The following MEIS1 variants were observed in gnomAD, a reference collection of about 807,000 sequenced individuals.
The protein encoded by MEIS1 is Meis homeobox 1, also known as homeobox protein Meis1.
MEIS1 carries 5 observed loss-of-function variants against 50.8 expected under a neutral mutation model. The observed-to-expected ratio is 0.10, with a 90% CI of 0.05 to 0.21. The LOEUF (loss-of-function observed/expected upper bound fraction) is 0.21. Ranked by LOEUF, MEIS1 falls within the 10% of genes least tolerant of loss-of-function variation. The pLI is 1.00. For synonymous variants in MEIS1, 176 were observed against 179.3 expected (o/e 0.98, Z 0.15); for missense variants, 318 against 517.3 (o/e 0.61, Z 3.74).
chr2:66,540,446 A>C (rs1159529527), intron 8 of MEIS1, among the ~76,000 whole-genome samples: 1 of 152,044 alleles, frequency 6.6e-6, no homozygotes, highest in African/African-American at 2.4e-5. Context: ...AGTAGATGGG[A>C]TTACAGGCGC....
chr2:66,549,970 A>G (rs1674880430), intron 9 of MEIS1, among the ~76,000 whole-genome samples: 2 of 152,198 alleles, frequency 1.3e-5, no homozygotes, highest in Non-Finnish European at 2.9e-5. Context: ...TTCTATGCAC[A>G]GTCTCTGCCG....
At chr2:66,547,625 C>T (rs1674822185) in intron 8 of MEIS1, among the ~76,000 whole-genome samples, 1 of 152,116 alleles carries the variant, frequency 6.6e-6, no homozygotes, top group African/African-American at 2.4e-5. Flanking sequence ...TAACAAATGG[C>T]TTGTCCTTAT....
intron 5 of MEIS1, among the ~76,000 whole-genome samples, chr2:66,442,270 T>TAAAAA (rs11292294): frequency 8.7e-6 from 1 of 114,566 alleles, no homozygotes; most frequent in Non-Finnish European, 1.8e-5. Context: ...CTCCTTTTTG[T>TAAAAA]AAAAAAAAAA....
chr2:66,450,967 T>C (rs1672264385), intron 6 of MEIS1, among the ~76,000 whole-genome samples: 1 of 152,126 alleles, frequency 6.6e-6, no homozygotes, highest in Admixed American at 6.5e-5. Flanking sequence ...GATTTGAACT[T>C]GAGCTAGTTT....
intron 6 of MEIS1, among the ~76,000 whole-genome samples, chr2:66,453,171 T>C (rs914637435): frequency 2.0e-5 from 3 of 151,976 alleles, no homozygotes; most frequent in African/African-American, 4.8e-5. Flanking sequence ...TTAATATTTA[T>C]TGAGGGCATG....
At chr2:66,500,015 T>C (rs1673510244) in intron 7 of MEIS1, among the ~76,000 whole-genome samples, 1 of 152,234 alleles carries the variant, frequency 6.6e-6, no homozygotes, top group South Asian at 2.1e-4. Context: ...TTTTAGGTTC[T>C]TGTCTTTTGC....
At chr2:66,534,036 T>C (rs1674458823) in intron 8 of MEIS1, among the ~76,000 whole-genome samples, 1 of 152,198 alleles carries the variant, frequency 6.6e-6, no homozygotes, top group African/African-American at 2.4e-5. Context: ...TGTTTACTAG[T>C]CTCTAAATAT....
intron 1 of MEIS1, chr2:66,437,046 CTT>C: frequency 1.3e-6 from 1 of 783,288 alleles, no homozygotes; most frequent in Non-Finnish European, 1.5e-6. Flanking sequence ...TTTTCTTTAA[CTT>C]TGGGGGTGGG....
At chr2:66,499,284 A>G (rs1356739864) in intron 7 of MEIS1, among the ~76,000 whole-genome samples, 1 of 152,122 alleles carries the variant, frequency 6.6e-6, no homozygotes, top group Non-Finnish European at 1.5e-5. Flanking sequence ...TGTTCTCCCC[A>G]CACACTTGCT....
At chr2:66,524,991 T>C (rs1250444173) in intron 8 of MEIS1, among the ~76,000 whole-genome samples, 2 of 152,168 alleles carry the variant, frequency 1.3e-5, no homozygotes, top group Admixed American at 1.3e-4. Context: ...GCAGATTGCT[T>C]GAGCCCAGGA....
At position 66,571,312 on chromosome 2, in the gene MEIS1, C is replaced by G; in HGVS notation, c.*104C>G. On this transcript the variant is annotated 3_prime_UTR_variant, in exon 13 of 13. Transcript: ENST00000272369. ...CCAATGGGTGTGAGTATGGGACAGC[C>G]AAGTTATACCCAACCCCAGATGCCC... is the stretch of plus-strand genomic sequence containing the variant. The G allele has an allele frequency of 6.3e-7, 1 of 1,598,552 alleles. No individual in the cohort carries two copies. Among genetic ancestry groups the G allele is most frequent in the Non-Finnish European group, 8.5e-7 (1 of 1,172,550 alleles).
At chr2:66,479,348 C>T (rs570565109) in intron 7 of MEIS1, among the ~76,000 whole-genome samples, 1 of 152,174 alleles carries the variant, frequency 6.6e-6, no homozygotes, top group Non-Finnish European at 1.5e-5. Context: ...TAGACATATA[C>T]GCCTTTTGCC....
chr2:66,465,295 T>C (rs1672607236), intron 7 of MEIS1, among the ~76,000 whole-genome samples: 1 of 152,244 alleles, frequency 6.6e-6, no homozygotes, highest in South Asian at 2.1e-4. Flanking sequence ...AGACATTTTA[T>C]TGTTCAAAGA....
chr2:66,464,580 A>G (rs2103745246), intron 7 of MEIS1, among the ~76,000 whole-genome samples: 1 of 152,342 alleles, frequency 6.6e-6, no homozygotes, highest in Non-Finnish European at 1.5e-5. Flanking sequence ...TCATGAAGAA[A>G]CATCCACTAG....
At chr2:66,490,374 ACCC>A in intron 7 of MEIS1, among the ~76,000 whole-genome samples, 1 of 152,238 alleles carries the variant, frequency 6.6e-6, no homozygotes, top group Non-Finnish European at 1.5e-5. Context: ...GGTCAAACAA[ACCC>A]CCAACTCAAG....
intron 6 of MEIS1, among the ~76,000 whole-genome samples, chr2:66,447,317 C>T (rs1460208619): frequency 1.3e-5 from 2 of 152,176 alleles, no homozygotes; most frequent in Non-Finnish European, 2.9e-5. Context: ...TTCGTAGGTT[C>T]CCACTTAATG....
intron 7 of MEIS1, among the ~76,000 whole-genome samples, chr2:66,478,204 G>A (rs1176765754): frequency 6.6e-6 from 1 of 152,008 alleles, no homozygotes; most frequent in African/African-American, 2.4e-5. Context: ...GATAGTGAAG[G>A]AATCAGCTTT....
chr2:66,482,286 T>G lies in MEIS1; in HGVS notation c.742+18066T>G, dbSNP rs987292434. Among the ~76,000 whole-genome samples, 19 of 152,174 alleles carry G rather than the reference T, an allele frequency of 1.2e-4. 1 individual carries two copies. Among genetic ancestry groups the G allele is most frequent in the Admixed American group, 1.0e-3 (16 of 15,278 alleles). On this transcript the variant is annotated intron_variant, in intron 7 of 12. Transcript: ENST00000272369. ...TTCAGATTCTGAAATGTGCCCACCCTCGTTCATTTGTGAGCCTCACACCAC... is the reference window on the plus strand; with the variant it reads ...TTCAGATTCTGAAATGTGCCCACCCGCGTTCATTTGTGAGCCTCACACCAC...
intron 7 of MEIS1, among the ~76,000 whole-genome samples, chr2:66,495,331 A>G (rs1208844736): frequency 1.3e-5 from 2 of 152,122 alleles, no homozygotes; most frequent in Non-Finnish European, 2.9e-5. Context: ...GAAGACGGAC[A>G]TCCAGCTTTG....
Sources: gnomAD v4.1 joint callset for allele counts (sites outside exome capture counted in the v4.1 genomes callset) on GRCh38, gnomAD v4.1.1 for gene constraint, MANE v1.5 for transcripts, NCBI Gene and HGNC (gene_info 2026-07-23, HGNC 2026-07-21) for gene names.